ADGRB1: variants seen among roughly 807,000 people sequenced by gnomAD.
ADGRB1 encodes the protein brain-specific angiogenesis inhibitor 1.
A neutral mutation model predicts 175.7 loss-of-function variants in ADGRB1; 36 were observed. The ratio of observed to expected loss-of-function variants is 0.20; its 90% CI spans 0.16 to 0.27. The LOEUF (loss-of-function observed/expected upper bound fraction) is 0.27. ADGRB1 is among the 10% of genes least tolerant of loss of function. The pLI is 1.00. For missense variants in ADGRB1, 1,731 were observed against 2,255.3 expected, an observed-to-expected ratio of 0.77 and a Z score of 4.71; for synonymous variants, 1,054 against 979.4, an observed-to-expected ratio of 1.08 and a Z score of -1.42.
intron 17 of ADGRB1, among the ~76,000 whole-genome samples, chr8:142,503,339 G>A (rs989200157): frequency 6.6e-6 from 1 of 152,120 alleles, no homozygotes; most frequent in Non-Finnish European, 1.5e-5. Flanking sequence ...GCTAGAGCCA[G>A]GGCAGAGCTC....
chr8:142,521,914 G>A (rs1563737561), intron 20 of ADGRB1, 51 bp from the exon 21 acceptor site: 1 of 1,538,620 alleles, frequency 6.5e-7, no homozygotes, highest in South Asian at 1.2e-5. Context: ...GGGGACAGGT[G>A]TGGGGCCGGG....
chr8:142,472,850 A>G (rs1201754882), intron 2 of ADGRB1, among the ~76,000 whole-genome samples: 1 of 152,110 alleles, frequency 6.6e-6, no homozygotes, highest in Admixed American at 6.5e-5. Context: ...ATCGAGACTC[A>G]GTATGCGTCC....
intron 24 of ADGRB1, among the ~76,000 whole-genome samples, chr8:142,531,283 C>T (rs1844607102): frequency 1.3e-5 from 2 of 152,216 alleles, no homozygotes. Flanking sequence ...TGAGTGTTTC[C>T]TTGGCTCTGT....
At chr8:142,536,907 C>G in intron 25 of ADGRB1, 80 bp from the exon 26 acceptor site, 1 of 1,247,442 alleles carries the variant, frequency 8.0e-7, no homozygotes, top group South Asian at 1.5e-5. Flanking sequence ...CGCCCCCCCA[C>G]AGGTGCTGCT....
rs375756124 is a variant in ADGRB1, at chr8:142,515,916, G to A, written c.2818-2222G>A. Among the ~76,000 whole-genome samples the A allele has an allele frequency of 3.3e-4, 51 of 152,362 alleles. 2 individuals carry two copies. Among genetic ancestry groups the A allele is most frequent in the Admixed American group, 1.7e-3 (26 of 15,310 alleles). ...TGTTCCCATCTTGCCCTCCCAGAGC[G>A]TAGTTTGGACAACAGAGGTGAGCAG... On this transcript the variant is annotated intron_variant, in intron 18 of 30. Transcript: ENST00000517894.
chr8:142,474,306 C>T lies in ADGRB1; in HGVS notation c.785-1168C>T, dbSNP rs1012631413. On this transcript the variant is annotated intron_variant, in intron 2 of 30. Transcript: ENST00000517894. The surrounding 1 kb of genome is among the most constrained non-coding windows in gnomAD (Gnocchi z 5.8). Reference sequence around the variant, plus strand: ...ATCGAGCTGCCGGATCCCCAGTGTTCCCCAGTGGCAGCGGCCCCAGCTCCA... The same window carrying T: ...ATCGAGCTGCCGGATCCCCAGTGTTTCCCAGTGGCAGCGGCCCCAGCTCCA... 6.6e-6 allele frequency among the ~76,000 whole-genome samples: 1 copy of T among 152,258 alleles called. No individual in the cohort carries two copies. The highest frequency in any genetic ancestry group is 2.1e-4 in the South Asian group (1 of 4,826).
chr8:142,488,556 C>T, intron 14 of ADGRB1, 49 bp downstream of exon 14: 1 of 1,599,558 alleles, frequency 6.3e-7, no homozygotes, highest in Non-Finnish European at 8.5e-7. Context: ...GACGTGGGCC[C>T]CAGAGTCGGA....
intron 14 of ADGRB1, among the ~76,000 whole-genome samples, chr8:142,488,756 C>T (rs1361480896): frequency 3.3e-5 from 5 of 152,172 alleles, no homozygotes; most frequent in African/African-American, 1.2e-4. Flanking sequence ...GTGTCAAGGA[C>T]CCTGTTACCT....
chr8:142,539,461 T>C (rs7388198), intron 27 of ADGRB1, 48 bp downstream of exon 27: 934,926 of 1,582,704 alleles, frequency 0.59, 286,960 homozygotes, highest in East Asian at 0.99. Context: ...GCCCCCTGCA[T>C]GGCCCCACTC....
chr8:142,471,227 A>G (rs1438397172), intron 2 of ADGRB1, among the ~76,000 whole-genome samples: 1 of 152,184 alleles, frequency 6.6e-6, no homozygotes, highest in Non-Finnish European at 1.5e-5. Context: ...ATGGGGCCCC[A>G]TGGGAATGAT....
intron 1 of ADGRB1, among the ~76,000 whole-genome samples, 165 bp from the exon 2 acceptor site, chr8:142,463,815 G>A (rs1055510194): frequency 6.6e-6 from 1 of 152,252 alleles, no homozygotes; most frequent in Non-Finnish European, 1.5e-5. Flanking sequence ...ACAGGTGGAC[G>A]GAGCAGGTGC....
intron 25 of ADGRB1, 72 bp from the exon 26 acceptor site, chr8:142,536,914 TG>T: frequency 7.6e-7 from 1 of 1,318,316 alleles, no homozygotes; most frequent in African/African-American, 1.5e-5. Context: ...CCACAGGTGC[TG>T]CTCATCTGAT....
chr8:142,473,274 C>T (rs1323588896), intron 2 of ADGRB1, among the ~76,000 whole-genome samples: 6 of 152,132 alleles, frequency 3.9e-5, no homozygotes, highest in Non-Finnish European at 5.9e-5. Context: ...TGCCGCAGGA[C>T]GTGCCACCCT....
chr8:142,453,704 G>C (rs559547798), intron 1 of ADGRB1, among the ~76,000 whole-genome samples: 7 of 152,302 alleles, frequency 4.6e-5, no homozygotes, highest in African/African-American at 1.7e-4. Flanking sequence ...GCGTGGTCCT[G>C]TGCAATCCCC....
chr8:142,520,772 G>T, intron 19 of ADGRB1, 51 bp from the exon 20 acceptor site: 1 of 1,515,742 alleles, frequency 6.6e-7, no homozygotes, highest in South Asian at 1.1e-5. Context: ...CAGCCCCTGT[G>T]CAGATGGGGT....
In ADGRB1 at chr8:142,539,385, G is replaced by A; in HGVS notation, c.3678G>A (p.Glu1226=). The change falls in exon 27 of 31, where the codon GAG becomes GAA. Residue 1226 remains glutamate (E), a synonymous_variant. Coordinates refer to ENST00000517894, the MANE Select transcript of ADGRB1 (RefSeq NM_001702.3). ...TCTCTGTCCTACAGACCGACTTCGAGAAGGACGTGGATCTGGCCTGTAGAT... is the reference window on the plus strand; with the variant it reads ...TCTCTGTCCTACAGACCGACTTCGAAAAGGACGTGGATCTGGCCTGTAGAT... ...NGHAQLMTDF[E]KDVDLACRSV... is the part of the protein sequence containing the mutation. 6.3e-7 allele frequency: 1 copy of A among 1,596,280 alleles called. No homozygotes were observed. The highest frequency in any genetic ancestry group is 8.5e-7 in the Non-Finnish European group (1 of 1,172,298).
chr8:142,485,928 C>T (rs932632543), intron 13 of ADGRB1, among the ~76,000 whole-genome samples: 1 of 152,182 alleles, frequency 6.6e-6, no homozygotes, highest in Non-Finnish European at 1.5e-5. Context: ...GCAGAGGCAG[C>T]CCATGAGAGA....
At chr8:142,479,517 T>G in intron 8 of ADGRB1, 30 bp downstream of exon 8, 17 of 1,522,708 alleles carry the variant, frequency 1.1e-5, no homozygotes, top group Non-Finnish European at 1.5e-5. Flanking sequence ...GGCTGGGCTC[T>G]GGGGAGGGCT....
In ADGRB1 at chr8:142,539,497, C is replaced by T. The variant is rs1468740077; in HGVS notation, c.3706+84C>T. ...CACGCCTCCGCCTGTGCCTCCCCCA[C>T]ATCACCCATCCCTGTCCACTCCTGC... On this transcript the variant is annotated intron_variant, in intron 27 of 30. Transcript: ENST00000517894. The T allele has an allele frequency of 6.7e-6, 10 of 1,498,422 alleles. No individual in the cohort carries two copies. In the East Asian group the frequency reaches 1.5e-4, roughly 22 times the overall value. 92.8% of individuals were successfully genotyped at this position (1,498,422 alleles called of 1,614,324 possible). A position where few individuals can be genotyped will look rare whatever the true frequency, so the allele number is the denominator to read the frequency against.
Sources: allele counts gnomAD v4.1 joint callset (sites outside exome capture counted in the v4.1 genomes callset), GRCh38; gene constraint gnomAD v4.1.1; non-coding constraint Gnocchi (gnomAD v3.1); transcripts MANE v1.5; gene names NCBI Gene and HGNC (gene_info 2026-07-23, HGNC 2026-07-21).